NR1H4: variants seen among roughly 807,000 people sequenced by gnomAD.
The protein encoded by NR1H4 is nuclear receptor subfamily 1 group H member 4.
A neutral mutation model predicts 58.5 loss-of-function variants in NR1H4; 23 were observed. The ratio of observed to expected loss-of-function variants is 0.39; its 90% CI spans 0.28 to 0.56. The LOEUF (loss-of-function observed/expected upper bound fraction) is 0.56. Ranked by LOEUF, NR1H4 falls within the 20% of genes least tolerant of loss-of-function variation. The probability of loss-of-function intolerance (pLI) is 0.58; values close to 1 mark genes in which losing one functional copy is unlikely to be tolerated. For synonymous variants in NR1H4, 214 were observed against 198.0 expected (o/e 1.08, Z -0.68); for missense variants, 487 against 576.9 (o/e 0.84, Z 1.60).
intron 9 of NR1H4, among the ~76,000 whole-genome samples, chr12:100,556,247 C>T (rs1409737049): frequency 3.3e-5 from 5 of 152,130 alleles, no homozygotes; most frequent in South Asian, 2.1e-4. Flanking sequence ...GCGGGTGGAT[C>T]ACCTGAGGTC....
rs140971693 is a variant in NR1H4, at chr12:100,509,574, A to G, written c.80-1204A>G. Among the ~76,000 whole-genome samples the G allele has an allele frequency of 1.1e-4, 16 of 152,326 alleles. No individual in the cohort carries two copies. In the East Asian group the frequency reaches 2.3e-3, roughly 22 times the overall value. On this transcript the variant is annotated intron_variant, in intron 3 of 10. Transcript: ENST00000392986. ...CTCATATAATCCTTACATCAACCCA[A>G]TGAGGTAGGTGTTATTATTCTCTGT...
intron 3 of NR1H4, among the ~76,000 whole-genome samples, chr12:100,509,330 A>AT (rs1256569036): frequency 6.6e-6 from 1 of 152,136 alleles, no homozygotes; most frequent in Non-Finnish European, 1.5e-5. Flanking sequence ...CATAATTTCA[A>AT]TTTTTTATTT....
intron 4 of NR1H4, among the ~76,000 whole-genome samples, chr12:100,514,869 C>T (rs1400235347): frequency 6.6e-6 from 1 of 152,034 alleles, no homozygotes; most frequent in Admixed American, 6.6e-5. Flanking sequence ...AATTTCTATA[C>T]ACAAAGGAAC....
At chr12:100,501,377 A>G (rs1247160395) in intron 3 of NR1H4, among the ~76,000 whole-genome samples, 3 of 152,066 alleles carry the variant, frequency 2.0e-5, no homozygotes, top group Admixed American at 1.3e-4. Context: ...GACCCCGATC[A>G]AGCAATTCAA....
At chr12:100,533,810 GT>G (rs1177854934) in intron 5 of NR1H4, among the ~76,000 whole-genome samples, 1 of 151,826 alleles carries the variant, frequency 6.6e-6, no homozygotes, top group African/African-American at 2.4e-5. Flanking sequence ...CTGGAACTTT[GT>G]TTTATTGGCA....
intron 9 of NR1H4, among the ~76,000 whole-genome samples, chr12:100,556,292 A>AC (rs1240724092): frequency 6.6e-6 from 1 of 151,782 alleles, no homozygotes; most frequent in Non-Finnish European, 1.5e-5. Context: ...ACATGGAGAA[A>AC]CCCCGTATCT....
chr12:100,511,013 G>C lies in NR1H4; in HGVS notation c.315G>C (p.Glu105Asp), dbSNP rs1192164465. ...ACCAGGGAGAAACTGAGGTAGCAGA[G>C]ATGCCTGTAACAAAGAAGCCCCGCA... is the stretch of plus-strand genomic sequence containing the variant. ...TLYQGETEVA[E>D]MPVTKKPRMG... is the part of the protein sequence containing the mutation. The change falls in exon 4 of 11, where the codon GAG becomes GAC. Residue 105 changes from glutamate to aspartate, a missense_variant. By Grantham distance (45) the Glu-to-Asp change is conservative. Coordinates refer to ENST00000392986, the MANE Select transcript of NR1H4 (RefSeq NM_001206979.2). 4 of 1,614,146 alleles carry C rather than the reference G, an allele frequency of 2.5e-6. No individual in the cohort carries two copies. The African/African-American group carries it at 4.0e-5, about 16-fold the overall frequency.
At chr12:100,555,676 C>T (rs1955306846) in intron 9 of NR1H4, among the ~76,000 whole-genome samples, 1 of 152,162 alleles carries the variant, frequency 6.6e-6, no homozygotes, top group African/African-American at 2.4e-5. Context: ...TCTCATATAA[C>T]ACTACTGTTA....
rs1428213266 is a variant in NR1H4 at position 100,540,681 on chromosome 12, C to T, written c.941C>T (p.Thr314Ile). 6.2e-7 allele frequency: 1 copy of T among 1,614,018 alleles called. No homozygotes were observed. Among genetic ancestry groups the T allele is most frequent in the African/African-American group, 1.3e-5 (1 of 74,936 alleles). Residue 314 changes from threonine (T) to isoleucine (I), a missense_variant, in exon 9 of 11, where the codon ACT becomes ATT. Transcript: ENST00000392986. ...EFTKKLPGFQ[T>I]LDHEDQIALL... ...TATCATCATTACCTAGGATTTCAGA[C>T]TTTGGACCATGAAGACCAGATTGCT...
At chr12:100,521,712 A>G (rs896095224) in intron 4 of NR1H4, among the ~76,000 whole-genome samples, 1 of 152,200 alleles carries the variant, frequency 6.6e-6, no homozygotes, top group Non-Finnish European at 1.5e-5. Flanking sequence ...AAACTATTCC[A>G]GTATAGAATA....
intron 1 of NR1H4, among the ~76,000 whole-genome samples, chr12:100,479,691 A>C (rs1033742391): frequency 2.0e-5 from 3 of 152,232 alleles, no homozygotes. Flanking sequence ...TTTAGAAGAA[A>C]ATCCAAACTC....
At chr12:100,519,478 C>T (rs1044596773) in intron 4 of NR1H4, among the ~76,000 whole-genome samples, 11 of 152,004 alleles carry the variant, frequency 7.2e-5, no homozygotes, top group African/African-American at 2.7e-4. Context: ...CTCTGTGACA[C>T]CATCCTGGGG....
chr12:100,521,474 C>A (rs2136198562), intron 4 of NR1H4, among the ~76,000 whole-genome samples: 1 of 152,288 alleles, frequency 6.6e-6, no homozygotes, highest in South Asian at 2.1e-4. Flanking sequence ...AACTGATCAG[C>A]ATCTAACTGA....
chr12:100,523,384 C>G (rs1954476851), intron 4 of NR1H4, among the ~76,000 whole-genome samples: 1 of 151,962 alleles, frequency 6.6e-6, no homozygotes, highest in South Asian at 2.1e-4. Context: ...TGTCATTTGT[C>G]CACTTTTTGA....
rs116133834 is a variant in NR1H4, at chr12:100,508,999, T to G, written c.80-1779T>G. Among the ~76,000 whole-genome samples the G allele has an allele frequency of 6.1e-3, 929 of 152,332 alleles. 10 individuals carry two copies. Among genetic ancestry groups the G allele is most frequent in the African/African-American group, 0.021 (872 of 41,570 alleles). ...GACTGTGCTGGGAGGGATATATAAA[T>G]AGCACTGTATTCTGTTCTGAAATCC... On this transcript the variant is annotated intron_variant, in intron 3 of 10. Coordinates refer to ENST00000392986, the MANE Select transcript of NR1H4 (RefSeq NM_001206979.2).
At chr12:100,489,378 T>C (rs1953560129) in intron 1 of NR1H4, among the ~76,000 whole-genome samples, 1 of 152,178 alleles carries the variant, frequency 6.6e-6, no homozygotes, top group Admixed American at 6.5e-5. Flanking sequence ...CCGTGCAGTC[T>C]TGTGTTGCAA....
At chr12:100,510,107 T>C (rs1954069210) in intron 3 of NR1H4, among the ~76,000 whole-genome samples, 1 of 152,224 alleles carries the variant, frequency 6.6e-6, no homozygotes, top group Non-Finnish European at 1.5e-5. Flanking sequence ...TGAAGCAGAC[T>C]CCTATGGATG....
intron 1 of NR1H4, among the ~76,000 whole-genome samples, chr12:100,482,224 A>G (rs887390262): frequency 1.3e-5 from 2 of 152,226 alleles, no homozygotes; most frequent in African/African-American, 2.4e-5. Context: ...GAGATTTCCA[A>G]TAAAAATGGT....
intron 4 of NR1H4, 77 bp from the exon 5 acceptor site, chr12:100,532,381 A>G: frequency 6.9e-7 from 1 of 1,451,904 alleles, no homozygotes; most frequent in Non-Finnish European, 9.7e-7. Flanking sequence ...ATGTCCTGGC[A>G]TCTCTCAATC....
Sources: gnomAD v4.1 joint callset for allele counts (sites outside exome capture counted in the v4.1 genomes callset) on GRCh38, gnomAD v4.1.1 for gene constraint, MANE v1.5 for transcripts, NCBI Gene and HGNC (gene_info 2026-07-23, HGNC 2026-07-21) for gene names.